The following CNBD1 variants were observed in gnomAD, a reference collection of about 807,000 sequenced individuals.
The protein encoded by CNBD1 is cyclic nucleotide-binding domain-containing protein 1.
Under a neutral mutation model 54.4 loss-of-function variants are expected in CNBD1, and 71 were observed. That is an observed-to-expected ratio of 1.30 (90% CI 1.08 to 1.59). CNBD1 has a LOEUF of 1.59. Ranked by LOEUF, CNBD1 falls within the 40% of genes most tolerant of loss-of-function variation. CNBD1 has a pLI of 0.00. For synonymous variants in CNBD1, 182 were observed against 170.7 expected (o/e 1.07, Z -0.51); for missense variants, 659 against 518.0 (o/e 1.27, Z -2.64).
chr8:86,953,888 G>T (rs948107753), intron 4 of CNBD1, among the ~76,000 whole-genome samples: 1 of 152,058 alleles, frequency 6.6e-6, no homozygotes, highest in Non-Finnish European at 1.5e-5. Context: ...AAAATCCTAT[G>T]TAACTAAACA....
intron 4 of CNBD1, among the ~76,000 whole-genome samples, chr8:87,032,230 G>C (rs561231355): frequency 2.0e-5 from 3 of 152,074 alleles, no homozygotes; most frequent in East Asian, 1.9e-4. Context: ...TGAACAATGT[G>C]GGGGGTAGGG....
chr8:86,998,465 G>C (rs1377509914), intron 4 of CNBD1, among the ~76,000 whole-genome samples: 2 of 152,100 alleles, frequency 1.3e-5, no homozygotes, highest in Non-Finnish European at 2.9e-5. Flanking sequence ...AAGGACACTT[G>C]TTTATGAGAG....
intron 4 of CNBD1, among the ~76,000 whole-genome samples, chr8:87,201,270 C>T (rs1041102162): frequency 1.3e-5 from 2 of 152,078 alleles, no homozygotes; most frequent in Non-Finnish European, 2.9e-5. Context: ...CAGTGGAAAA[C>T]TCACAGCTAA....
intron 2 of CNBD1, among the ~76,000 whole-genome samples, chr8:87,413,252 T>C (rs1055719351): frequency 2.0e-5 from 3 of 152,094 alleles, no homozygotes; most frequent in African/African-American, 7.2e-5. Flanking sequence ...TTTTCCAAGC[T>C]TAACTTTCCC....
At position 87,416,261 on chromosome 8, in the gene CNBD1, C is replaced by T. The variant is rs535825249; in HGVS notation, c.214-12285C>T. Reference sequence around the variant, plus strand: ...AAGATAAAAATAAGTAGAAAGCTACCATCAGCAAAAATGACAAAATAAGGA... The same window carrying T: ...AAGATAAAAATAAGTAGAAAGCTACTATCAGCAAAAATGACAAAATAAGGA... On this transcript the variant is annotated intron_variant, in intron 2 of 7. Transcript: ENST00000521593. Among the ~76,000 whole-genome samples, 4 of 152,016 alleles carry T rather than the reference C, an allele frequency of 2.6e-5. No individual in the cohort carries two copies. The South Asian group carries it at 8.3e-4, about 32-fold the overall frequency.
intron 4 of CNBD1, among the ~76,000 whole-genome samples, chr8:87,033,148 A>G (rs1447571432): frequency 6.6e-6 from 1 of 152,212 alleles, no homozygotes; most frequent in Non-Finnish European, 1.5e-5. Context: ...TCAGTAGTGT[A>G]ATTTTCCCAG....
intron 4 of CNBD1, among the ~76,000 whole-genome samples, chr8:87,129,974 T>C (rs1420440693): frequency 1.3e-5 from 2 of 152,100 alleles, no homozygotes; most frequent in Non-Finnish European, 2.9e-5. Flanking sequence ...ATGTCTTAAA[T>C]GGATGGCAGC....
In CNBD1 at chr8:87,119,110, T is replaced by A. The variant is rs181949296; in HGVS notation, c.432-86883T>A. On this transcript the variant is annotated intron_variant, in intron 4 of 10. Coordinates refer to ENST00000518476, the MANE Select transcript of CNBD1 (RefSeq NM_173538.3). ...TTTGGTTCCATATGAATTTTAAGAT[T>A]TTTTTTTCTAATTTTATGAAAAATG... Among the ~76,000 whole-genome samples the A allele has an allele frequency of 1.8e-3, 271 of 152,148 alleles. 2 individuals carry two copies. The highest frequency in any genetic ancestry group is 8.8e-4 in the Non-Finnish European group (60 of 67,972).
downstream of CNBD1, among the ~76,000 whole-genome samples, chr8:87,385,670 C>T (rs985390340): frequency 4.6e-5 from 7 of 152,110 alleles, no homozygotes; most frequent in Non-Finnish European, 4.4e-5. Context: ...CTACCTGCCT[C>T]TGTAGACTCC....
At chr8:87,367,667 A>C (rs1586051648) in intron 10 of CNBD1, among the ~76,000 whole-genome samples, 1 of 152,122 alleles carries the variant, frequency 6.6e-6, no homozygotes, top group Admixed American at 6.6e-5. Context: ...TTATCTAATC[A>C]AATGTTCACA....
At chr8:86,934,461 G>C (rs1485125669) in intron 3 of CNBD1, among the ~76,000 whole-genome samples, 2 of 152,146 alleles carry the variant, frequency 1.3e-5, no homozygotes, top group African/African-American at 4.8e-5. Flanking sequence ...AGCTTTACTT[G>C]TCCTTTCCAA....
rs143515810 is a variant in CNBD1, at chr8:87,172,418, T to C, written c.432-33575T>C. 3.5e-3 allele frequency among the ~76,000 whole-genome samples: 526 copies of C among 152,224 alleles called. 2 individuals carry two copies. The highest frequency in any genetic ancestry group is 0.012 in the African/African-American group (509 of 41,560). On this transcript the variant is annotated intron_variant, in intron 4 of 10. Transcript: ENST00000518476. ...TATAGTGCAGACTAAACCCGATCTT[T>C]CTTTGTTGATTTTCTGTCTGGAAGA...
chr8:87,240,919 G>T (rs1807684671), intron 6 of CNBD1, among the ~76,000 whole-genome samples: 1 of 152,046 alleles, frequency 6.6e-6, no homozygotes, highest in Non-Finnish European at 1.5e-5. Flanking sequence ...TCTCCAGGAG[G>T]TTCTCCAGGG....
intron 1 of CNBD1, among the ~76,000 whole-genome samples, chr8:86,883,628 A>G (rs1808635762): frequency 6.6e-6 from 1 of 152,182 alleles, no homozygotes; most frequent in African/African-American, 2.4e-5. Flanking sequence ...TTCAGTATCA[A>G]ACATCACACA....
intron 4 of CNBD1, among the ~76,000 whole-genome samples, chr8:87,179,477 A>G (rs1813266580): frequency 6.6e-6 from 1 of 152,126 alleles, no homozygotes; most frequent in Non-Finnish European, 1.5e-5. Context: ...AAATAAAAGG[A>G]AAACATGGTT....
intron 4 of CNBD1, among the ~76,000 whole-genome samples, chr8:87,165,420 A>G (rs765058651): frequency 3.3e-5 from 5 of 151,924 alleles, no homozygotes; most frequent in African/African-American, 9.7e-5. Flanking sequence ...TTTGCTTTAT[A>G]TACTTAGGTG....
intron 1 of CNBD1, among the ~76,000 whole-genome samples, chr8:86,868,991 G>A (rs1177628133): frequency 6.6e-6 from 1 of 151,968 alleles, no homozygotes; most frequent in East Asian, 1.9e-4. Flanking sequence ...GGCCCTTGCT[G>A]GCTTTGAAGA....
chr8:87,380,608 T>G (rs1811054515), intron 10 of CNBD1, among the ~76,000 whole-genome samples: 1 of 152,026 alleles, frequency 6.6e-6, no homozygotes, highest in Non-Finnish European at 1.5e-5. Flanking sequence ...TCTCATTGGG[T>G]AATAGGGACA....
chr8:87,027,661 T>C (rs1370877683), intron 4 of CNBD1, among the ~76,000 whole-genome samples: 1 of 152,216 alleles, frequency 6.6e-6, no homozygotes, highest in African/African-American at 2.4e-5. Context: ...CTGGAATCTA[T>C]TAAACAGGAG....
Sources: gnomAD v4.1 joint callset for allele counts (sites outside exome capture counted in the v4.1 genomes callset) on GRCh38, gnomAD v4.1.1 for gene constraint, MANE v1.5 for transcripts, NCBI Gene and HGNC (gene_info 2026-07-23, HGNC 2026-07-21) for gene names.